Variants in CBX3 observed in about 807,000 individuals in gnomAD.
The protein encoded by CBX3 is chromobox 3.
CBX3 carries 5 observed loss-of-function variants against 22.6 expected under a neutral mutation model. That is an observed-to-expected ratio of 0.22 (90% confidence interval 0.12 to 0.47). The LOEUF (loss-of-function observed/expected upper bound fraction) is 0.47. Among genes scored for constraint, CBX3 ranks in the 20% least tolerant of loss-of-function variants. The pLI is 0.99. For missense variants in CBX3, 83 were observed against 208.1 expected (o/e 0.40, Z 3.70); for synonymous variants, 50 against 66.6 (o/e 0.75, Z 1.21).
At chr7:26,205,424 T>C (rs1584036168) in intron 2 of CBX3, among the ~76,000 whole-genome samples, 1 of 152,276 alleles carries the variant, frequency 6.6e-6, no homozygotes, top group South Asian at 2.1e-4. Flanking sequence ...CTTGAAGTGA[T>C]AGCTTTATAG....
At chr7:26,207,943 G>T (rs1268642799) in intron 3 of CBX3, among the ~76,000 whole-genome samples, 1 of 151,488 alleles carries the variant, frequency 6.6e-6, no homozygotes, top group African/African-American at 2.4e-5. Flanking sequence ...GGGTGCAGTG[G>T]CTCACACCTG....
At chr7:26,204,934 C>A (rs1003642731) in intron 2 of CBX3, among the ~76,000 whole-genome samples, 1 of 152,136 alleles carries the variant, frequency 6.6e-6, no homozygotes, top group African/African-American at 2.4e-5. Context: ...GGATTACAGG[C>A]ATGCACCACT....
upstream of CBX3, chr7:26,201,739 C>G (rs959161900): frequency 1.2e-5 from 1 of 85,108 alleles, no homozygotes; most frequent in Non-Finnish European, 2.6e-5. Context: ...TCCCGGCTCC[C>G]TCCCCCTTCG....
chr7:26,205,507 C>T, intron 2 of CBX3, among the ~76,000 whole-genome samples: 1 of 152,170 alleles, frequency 6.6e-6, no homozygotes, highest in East Asian at 1.9e-4. Flanking sequence ...AATTGAACCT[C>T]CTAGTGGTCT....
chr7:26,208,361 CA>C, intron 3 of CBX3, 31 bp from the exon 4 acceptor site: 2 of 1,441,570 alleles, frequency 1.4e-6, no homozygotes, highest in Non-Finnish European at 1.9e-6. Flanking sequence ...TTAATTCAAT[CA>C]CCTTTTTTTT....
chr7:26,210,163 ACCT>A (rs1275595040), intron 4 of CBX3: 1 of 152,064 alleles, frequency 6.6e-6, no homozygotes, highest in Admixed American at 6.6e-5. Context: ...CGTGGTGGAC[ACCT>A]CCTGTAGTCT....
Position 26,212,410 on chromosome 7 carries a change from TTCTG to T in CBX3, c.*204_*207del, listed in dbSNP as rs535298845. 258 of 222,790 alleles carry T rather than the reference TTCTG, an allele frequency of 1.2e-3. No homozygotes were observed. Among genetic ancestry groups the T allele is most frequent in the African/African-American group, 5.5e-3 (236 of 43,014 alleles). The allele number at this position is 222,790 out of a possible 1,614,324, so 13.8% of individuals were successfully genotyped here. ...TACTTTGAACAAATAAATAAAAGCT[TTCTG>T]TAGTTGCTTCCTTTATCAGAAAAGA... On this transcript the variant is annotated 3_prime_UTR_variant, in exon 6 of 6. Transcript: ENST00000396386.
intron 2 of CBX3, among the ~76,000 whole-genome samples, chr7:26,205,732 C>T (rs960631523): frequency 6.6e-6 from 1 of 152,146 alleles, no homozygotes; most frequent in African/African-American, 2.4e-5. Context: ...TTAGGTACTT[C>T]CTGCATAGTT....
At chr7:26,204,023 A>C (rs1351876339) in intron 2 of CBX3, among the ~76,000 whole-genome samples, 1 of 152,190 alleles carries the variant, frequency 6.6e-6, no homozygotes, top group Admixed American at 6.5e-5. Flanking sequence ...AAAGTTCTTA[A>C]CTTTCCATTT....
At chr7:26,205,328 T>C (rs983415788) in intron 2 of CBX3, among the ~76,000 whole-genome samples, 4 of 152,224 alleles carry the variant, frequency 2.6e-5, no homozygotes, top group African/African-American at 9.6e-5. Context: ...TGAATTTGGT[T>C]ACCAGTATAG....
At chr7:26,205,167 T>G (rs1038487253) in intron 2 of CBX3, among the ~76,000 whole-genome samples, 45 of 145,924 alleles carry the variant, frequency 3.1e-4, no homozygotes, top group Admixed American at 1.7e-3. Flanking sequence ...CATTTCAGGG[T>G]TTTTTTTCCC....
In CBX3 at chr7:26,212,987, C is replaced by T. The variant is rs1331136833; in HGVS notation, c.*779C>T. On this transcript the variant is annotated 3_prime_UTR_variant, in exon 6 of 6. Coordinates refer to ENST00000396386, the MANE Select transcript of CBX3 (RefSeq NM_016587.4). ...GTTAAATGAACATTTAAAAGTTTCC[C>T]TAGCGGGCCATTCCTTAGCAAAATG... is the stretch of plus-strand genomic sequence containing the variant. The T allele has an allele frequency of 2.0e-5, 3 of 152,284 alleles. No individual in the cohort carries two copies. Among genetic ancestry groups the T allele is most frequent in the Non-Finnish European group, 2.9e-5 (2 of 68,034 alleles). The allele number at this position is 152,284 out of a possible 1,614,324, so 9.4% of individuals were successfully genotyped here. A position where few individuals can be genotyped will look rare whatever the true frequency, so the allele number is the denominator to read the frequency against.
intron 2 of CBX3, among the ~76,000 whole-genome samples, chr7:26,204,486 C>T (rs1186985706): frequency 2.0e-5 from 3 of 152,114 alleles, no homozygotes; most frequent in African/African-American, 4.8e-5. Flanking sequence ...ATCATAACAC[C>T]TGACTTAGAA....
chr7:26,202,886 G>C (rs1784582018), intron 1 of CBX3, 85 bp from the exon 2 acceptor site: 1 of 806,588 alleles, frequency 1.2e-6, no homozygotes, highest in Non-Finnish European at 2.1e-6. Context: ...CTCTCTACTT[G>C]GGGGTTGGAA....
chr7:26,206,248 C>A, intron 2 of CBX3, 120 bp from the exon 3 acceptor site: 1 of 633,350 alleles, frequency 1.6e-6, no homozygotes, highest in Non-Finnish European at 2.7e-6. Context: ...AGGTGTCTGC[C>A]CTGGGATATA....
At chr7:26,210,053 A>G (rs1784769807) in intron 4 of CBX3, 1 of 152,168 alleles carries the variant, frequency 6.6e-6, no homozygotes, top group African/African-American at 2.4e-5. Context: ...ACCTTGGGAA[A>G]CCAAAGCAGG....
chr7:26,213,169 C>G lies in CBX3; in HGVS notation c.*961C>G, dbSNP rs375726042. 6 of 152,698 alleles carry G rather than the reference C, an allele frequency of 3.9e-5. No homozygotes were observed. The highest frequency in any genetic ancestry group is 1.4e-4 in the African/African-American group (6 of 41,472). The allele number at this position is 152,698 out of a possible 1,614,324, so 9.5% of individuals were successfully genotyped here. A position where few individuals can be genotyped will look rare whatever the true frequency, so the allele number is the denominator to read the frequency against. On this transcript the variant is annotated 3_prime_UTR_variant, in exon 6 of 6. Coordinates refer to ENST00000396386, the MANE Select transcript of CBX3 (RefSeq NM_016587.4). ...ACCTTTTGTAACCTAACCTATTGAC[C>G]TGCATGTTTTTTCTTTACCCCAATT...
intron 4 of CBX3, 105 bp downstream of exon 4, chr7:26,208,660 G>T: frequency 4.6e-6 from 5 of 1,093,104 alleles, no homozygotes; most frequent in Non-Finnish European, 6.5e-6. Context: ...TGCTCTTGTC[G>T]CCCAGGCTGG....
In CBX3 at chr7:26,206,597, C is replaced by T; in HGVS notation, c.167+87C>T. ...GTTTTTAACCTGGCTCTTTTACCTG[C>T]TTTCCTGTAGGTGTCTTTAAATGTA... On this transcript the variant is annotated intron_variant, in intron 3 of 5. Transcript: ENST00000396386. 4 of 1,219,656 alleles carry T rather than the reference C, an allele frequency of 3.3e-6. No homozygotes were observed. The East Asian group carries it at 7.0e-5, about 21-fold the overall frequency. 75.6% of individuals were successfully genotyped at this position (1,219,656 alleles called of 1,614,324 possible). A position where few individuals can be genotyped will look rare whatever the true frequency, so the allele number is the denominator to read the frequency against.
Sources: allele counts gnomAD v4.1 joint callset (sites outside exome capture counted in the v4.1 genomes callset), GRCh38; gene constraint gnomAD v4.1.1; transcripts MANE v1.5; gene names NCBI Gene and HGNC (gene_info 2026-07-23, HGNC 2026-07-21).